ST6GALNAC5: variants seen among roughly 807,000 people sequenced by gnomAD.
ST6GALNAC5 encodes alpha-N-acetylgalactosaminide alpha-2,6-sialyltransferase 5.
Under a neutral mutation model 33.6 loss-of-function variants are expected in ST6GALNAC5, and 27 were observed. The ratio of observed to expected loss-of-function variants is 0.80; its 90% CI spans 0.59 to 1.11. ST6GALNAC5 has a LOEUF of 1.11. ST6GALNAC5 is among the 50% of genes least tolerant of loss of function. The pLI is 0.00. For missense variants in ST6GALNAC5, 428 were observed against 454.0 expected (o/e 0.94, Z 0.52); for synonymous variants, 194 against 171.2 (o/e 1.13, Z -1.04).
rs1456372464 is a variant in ST6GALNAC5, at chr1:77,044,391, A to G, written c.449A>G (p.Gln150Arg). Residue 150 changes from glutamine (Q) to arginine (R), a missense_variant, in exon 3 of 5, where the codon CAG becomes CGG. Transcript: ENST00000477717. The stretch of plus-strand genomic sequence containing the variant: ...AGGGTCATCGCGCATTCCAGCATCC[A>G]GAGGATCCTCCGCAACCGCCATGAC... The part of the protein sequence containing the change: ...SLRVIAHSSI[Q>R]RILRNRHDLL... The G allele has an allele frequency of 6.2e-7, 1 of 1,613,620 alleles. No individual in the cohort carries two copies. The highest frequency in any genetic ancestry group is 8.5e-7 in the Non-Finnish European group (1 of 1,179,800).
intron 2 of ST6GALNAC5, among the ~76,000 whole-genome samples, chr1:76,943,463 G>A (rs1647405117): frequency 6.6e-6 from 1 of 152,102 alleles, no homozygotes; most frequent in East Asian, 1.9e-4. Context: ...TCTGAGCCAT[G>A]TAAAAAAATA....
intron 2 of ST6GALNAC5, among the ~76,000 whole-genome samples, chr1:76,888,281 C>T (rs776564826): frequency 2.6e-5 from 4 of 151,954 alleles, no homozygotes; most frequent in East Asian, 3.9e-4. Context: ...CTTTAGATCT[C>T]GGATGGGGCC....
chr1:77,023,472 T>C (rs1171497451), intron 2 of ST6GALNAC5, among the ~76,000 whole-genome samples: 1 of 152,124 alleles, frequency 6.6e-6, no homozygotes, highest in Non-Finnish European at 1.5e-5. Context: ...TCTTCCAGCA[T>C]GGGTTCCCAC....
intron 2 of ST6GALNAC5, among the ~76,000 whole-genome samples, chr1:76,954,142 T>C (rs553343073): frequency 6.6e-6 from 1 of 152,212 alleles, no homozygotes; most frequent in African/African-American, 2.4e-5. Flanking sequence ...TGCCCATCAG[T>C]GATAGACTGG....
chr1:77,046,214 A>C (rs1005217146), intron 3 of ST6GALNAC5, among the ~76,000 whole-genome samples: 3 of 152,222 alleles, frequency 2.0e-5, no homozygotes, highest in Admixed American at 6.5e-5. Flanking sequence ...CAGGAGTTCA[A>C]ATCCAGTGTG....
chr1:77,013,890 T>C (rs1247949360), intron 2 of ST6GALNAC5, among the ~76,000 whole-genome samples: 6 of 152,190 alleles, frequency 3.9e-5, no homozygotes, highest in Non-Finnish European at 8.8e-5. Flanking sequence ...GGTCAGTCAA[T>C]GGGAAATGAT....
intron 2 of ST6GALNAC5, among the ~76,000 whole-genome samples, chr1:77,013,440 T>C (rs1202931970): frequency 2.0e-5 from 3 of 152,186 alleles, no homozygotes; most frequent in African/African-American, 7.2e-5. Context: ...CAGGAGGTTG[T>C]TGTTTGATTT....
intron 2 of ST6GALNAC5, among the ~76,000 whole-genome samples, chr1:77,009,619 CT>C (rs1301300257): frequency 6.6e-6 from 1 of 152,098 alleles, no homozygotes; most frequent in Non-Finnish European, 1.5e-5. Flanking sequence ...TCTTCCTGTC[CT>C]CCCCCATGTG....
chr1:77,016,159 CCT>C (rs1650831506), intron 2 of ST6GALNAC5, among the ~76,000 whole-genome samples: 1 of 3,834 alleles, frequency 2.6e-4, no homozygotes, highest in African/African-American at 1.5e-3. Context: ...TGTATCTTCC[CCT>C]CCTCCTCCTC....
chr1:77,032,865 C>G (rs941948476), intron 2 of ST6GALNAC5, among the ~76,000 whole-genome samples: 2 of 152,162 alleles, frequency 1.3e-5, no homozygotes, highest in African/African-American at 4.8e-5. Flanking sequence ...CATTAATTCT[C>G]AGTTATCTTC....
intron 2 of ST6GALNAC5, among the ~76,000 whole-genome samples, chr1:76,937,907 C>T (rs1377360874): frequency 6.6e-6 from 1 of 152,070 alleles, no homozygotes; most frequent in Non-Finnish European, 1.5e-5. Flanking sequence ...TATTGTCTTA[C>T]ATCCCCTCAT....
chr1:76,999,737 A>G (rs375069846), intron 2 of ST6GALNAC5, among the ~76,000 whole-genome samples: 3,135 of 145,416 alleles, frequency 0.022, 52 homozygotes, highest in Middle Eastern at 0.033. Context: ...GAGAATATGC[A>G]GTGTTTGGTT....
At chr1:77,002,438 C>T (rs1325819743) in intron 2 of ST6GALNAC5, among the ~76,000 whole-genome samples, 2 of 152,132 alleles carry the variant, frequency 1.3e-5, no homozygotes, top group African/African-American at 4.8e-5. Context: ...TTTCAAAAAA[C>T]CAGCTCCTGG....
At chr1:76,913,684 G>A (rs1283902120) in intron 2 of ST6GALNAC5, among the ~76,000 whole-genome samples, 1 of 151,760 alleles carries the variant, frequency 6.6e-6, no homozygotes. Flanking sequence ...TTCCATCACT[G>A]ATACCATTTC....
At chr1:76,959,575 G>A (rs981731714) in intron 2 of ST6GALNAC5, among the ~76,000 whole-genome samples, 6 of 152,320 alleles carry the variant, frequency 3.9e-5, no homozygotes, top group South Asian at 2.1e-4. Context: ...TTGCTGAAGC[G>A]CAGAGTGGAC....
intron 2 of ST6GALNAC5, among the ~76,000 whole-genome samples, chr1:76,992,117 A>G (rs1464224471): frequency 6.6e-6 from 1 of 152,082 alleles, no homozygotes; most frequent in Non-Finnish European, 1.5e-5. Context: ...CTGGTCTCCC[A>G]TATCCCGGTG....
chr1:76,985,401 C>T lies in ST6GALNAC5; in HGVS notation c.262-58803C>T, dbSNP rs141645309. On this transcript the variant is annotated intron_variant, in intron 2 of 4. Coordinates refer to ENST00000477717, the MANE Select transcript of ST6GALNAC5 (RefSeq NM_030965.3). ...AGAGAGCCAAATCATGAGTGAACTC[C>T]CATTCACAATTGCTACAAAGAGAAT... is the stretch of plus-strand genomic sequence containing the variant. Among the ~76,000 whole-genome samples, 158 of 152,186 alleles carry T rather than the reference C, an allele frequency of 1.0e-3. 1 individual carries two copies. In the East Asian group the frequency reaches 0.023, roughly 22 times the overall value.
intron 2 of ST6GALNAC5, among the ~76,000 whole-genome samples, chr1:77,042,914 G>T (rs1454965342): frequency 6.6e-6 from 1 of 152,138 alleles, no homozygotes; most frequent in Non-Finnish European, 1.5e-5. Context: ...TGGAAGCAAG[G>T]CTGGGCCCAT....
intron 2 of ST6GALNAC5, among the ~76,000 whole-genome samples, chr1:76,974,207 CTTT>C (rs766393000): frequency 8.3e-6 from 1 of 120,276 alleles, no homozygotes; most frequent in Non-Finnish European, 1.8e-5. Flanking sequence ...TTGCTTTTCA[CTTT>C]TTTTTTTTTT....
Sources: gnomAD v4.1 joint callset for allele counts (sites outside exome capture counted in the v4.1 genomes callset) on GRCh38, gnomAD v4.1.1 for gene constraint, MANE v1.5 for transcripts, NCBI Gene and HGNC (gene_info 2026-07-23, HGNC 2026-07-21) for gene names.